Variants in TRMT2A observed in about 807,000 individuals in gnomAD.
The protein encoded by TRMT2A is tRNA methyltransferase 2A, also known as tRNA (uracil-5-)-methyltransferase homolog A.
Under a neutral mutation model 59.3 loss-of-function variants are expected in TRMT2A, and 60 were observed. The observed-to-expected ratio is 1.01, with a 90% CI of 0.82 to 1.26. TRMT2A has a LOEUF of 1.26. Among genes scored for constraint, TRMT2A ranks in the 50% most tolerant of loss-of-function variants. The pLI, the probability that TRMT2A is intolerant of heterozygous loss-of-function variation, is 0.00. For synonymous variants in TRMT2A, 403 were observed against 353.7 expected (o/e 1.14, Z -1.56); for missense variants, 863 against 845.2 (o/e 1.02, Z -0.26).
chr22:20,116,529 C>G lies in TRMT2A; in HGVS notation c.108G>C (p.Pro36=). Residue 36 remains proline, a synonymous_variant, in exon 2 of 12, where the codon CCG becomes CCC. Transcript: ENST00000252136. ...CTTTCTCCACCTCCTCCAGGGCTGC[C>G]GGGGCTGCAGGGGGCACCGAGACGG... ...CPTVSVPPAA[P]AALEEVEKEG... The G allele has an allele frequency of 4.4e-6, 7 of 1,607,528 alleles. No homozygotes were observed. The highest frequency in any genetic ancestry group is 5.9e-6 in the Non-Finnish European group (7 of 1,178,122).
chr22:20,112,883 C>A, intron 11 of TRMT2A, 28 bp downstream of exon 11: 1 of 1,612,454 alleles, frequency 6.2e-7, no homozygotes, highest in Non-Finnish European at 8.5e-7. Flanking sequence ...CAGGCCTAGC[C>A]CCCACCCAGG....
chr22:20,113,849 C>T (rs1281711887), intron 7 of TRMT2A, 41 bp from the exon 8 acceptor site: 7 of 1,516,650 alleles, frequency 4.6e-6, no homozygotes, highest in Non-Finnish European at 6.2e-6. Flanking sequence ...GGCTCCTCTC[C>T]TGTGGTGCCA....
In TRMT2A at chr22:20,112,967, G is replaced by T. The variant is rs772774226; in HGVS notation, c.1590C>A (p.Leu530=). The part of the protein sequence containing the change: ...VILAIRRAKN[L]RRLLYVSCNP... ...TGCATGAGACGTACAGCAGCCGCCT[G>T]AGGTTCTTAGCTCTCCGGATGGCCA... is the stretch of plus-strand genomic sequence containing the variant. Residue 530 remains leucine (L), a synonymous_variant, in exon 11 of 12, where the codon CTC becomes CTA. Coordinates refer to ENST00000252136, the MANE Select transcript of TRMT2A (RefSeq NM_022727.6). 6.2e-7 allele frequency: 1 copy of T among 1,613,696 alleles called. No individual in the cohort carries two copies. Among genetic ancestry groups the T allele is most frequent in the Admixed American group, 1.7e-5 (1 of 60,012 alleles).
chr22:20,115,519 AG>A (rs757810650), intron 3 of TRMT2A, 72 bp from the exon 4 acceptor site: 1 of 1,571,838 alleles, frequency 6.4e-7, no homozygotes, highest in Non-Finnish European at 8.7e-7. Context: ...ATTTCCCCAC[AG>A]GGGCTGGCAG....
At chr22:20,115,895 T>C (rs1346529457) in intron 2 of TRMT2A, 115 bp from the exon 3 acceptor site, 3 of 1,371,466 alleles carry the variant, frequency 2.2e-6, no homozygotes, top group Non-Finnish European at 3.0e-6. Flanking sequence ...TTGTGCCCAC[T>C]GTGACGTGGG....
In TRMT2A at chr22:20,115,314, A is replaced by ACGTGCACGG; in HGVS notation, c.841_842insCCGTGCACG (p.Ile281delinsThrValHisVal). ...CACCACCTGCTTGGTGGCTTCGGGG[A>ACGTGCACGG]TGTGCACGGTGTCAAACGGGGCTGC... On this transcript the variant is annotated protein_altering_variant, in exon 4 of 12. Transcript: ENST00000252136. 2 of 1,612,804 alleles carry ACGTGCACGG rather than the reference A, an allele frequency of 1.2e-6. No individual in the cohort carries two copies. The highest frequency in any genetic ancestry group is 1.7e-6 in the Non-Finnish European group (2 of 1,179,960).
intron 7 of TRMT2A, 58 bp from the exon 8 acceptor site, chr22:20,113,866 C>T: frequency 6.7e-7 from 1 of 1,493,072 alleles, no homozygotes; most frequent in Non-Finnish European, 8.9e-7. Context: ...GCCACTGGTG[C>T]CCCGACGCCC....
chr22:20,115,430 C>G lies in TRMT2A; in HGVS notation c.726G>C (p.Lys242Asn). The change falls in exon 4 of 12, where the codon AAG becomes AAC. Residue 242 changes from lysine (K) to asparagine (N), a missense_variant. Transcript: ENST00000252136. The stretch of plus-strand genomic sequence containing the variant: ...CCCCGACGCCAACCAGAAACTCACA[C>G]TTATTACGATACTCAGTCTGCAGGG... ...PSPQQTEYRN[K>N]CEFLVGVGVD... is the part of the protein sequence containing the mutation. 2 of 1,610,302 alleles carry G rather than the reference C, an allele frequency of 1.2e-6. No homozygotes were observed. The highest frequency in any genetic ancestry group is 1.7e-6 in the Non-Finnish European group (2 of 1,178,912).
At chr22:20,112,886 C>G (rs9606254) in intron 11 of TRMT2A, 25 bp downstream of exon 11, 1 of 1,612,590 alleles carries the variant, frequency 6.2e-7, no homozygotes. Flanking sequence ...GCCTAGCCCC[C>G]ACCCAGGCCC....
chr22:20,113,075 T>C (rs1288746068), intron 10 of TRMT2A, 43 bp downstream of exon 10: 2 of 1,610,992 alleles, frequency 1.2e-6, no homozygotes, highest in South Asian at 1.1e-5. Flanking sequence ...CCACCCCATG[T>C]GTCCTCGTTC....
intron 7 of TRMT2A, 21 bp downstream of exon 7, chr22:20,114,553 C>A (rs775975208): frequency 1.1e-4 from 168 of 1,596,990 alleles, no homozygotes; most frequent in Non-Finnish European, 1.4e-4. Context: ...GTCCCCATGC[C>A]CACCAGGGAC....
rs1266850891 is a variant in TRMT2A at position 20,115,400 on chromosome 22, A to T, written c.756T>A (p.Asp252Glu). ...GACAGCCCACGGTGTTATCCTCCCC[A>T]TCCACCCCGACGCCAACCAGAAACT... is the stretch of plus-strand genomic sequence containing the variant. ...KCEFLVGVGV[D>E]GEDNTVGCRL... is the part of the protein sequence containing the mutation. Residue 252 changes from aspartate (D) to glutamate (E), a missense_variant, in exon 4 of 12, where the codon GAT becomes GAA. Coordinates refer to ENST00000252136, the MANE Select transcript of TRMT2A (RefSeq NM_022727.6). 1 of 1,612,246 alleles carries T rather than the reference A, an allele frequency of 6.2e-7. No individual in the cohort carries two copies. The highest frequency in any genetic ancestry group is 8.5e-7 in the Non-Finnish European group (1 of 1,179,826).
chr22:20,116,557 G>A lies in TRMT2A; in HGVS notation c.80C>T (p.Pro27Leu), dbSNP rs752083147. The change falls in exon 2 of 12, where the codon CCT (proline) becomes CTT (leucine). Residue 27 changes from proline to leucine, a missense_variant. By Grantham distance (98) the Pro-to-Leu change is moderately conservative. Transcript: ENST00000252136. The part of the protein sequence containing the change: ...GQESSSALSC[P>L]TVSVPPAAPA... ...GGCTGCAGGGGGCACCGAGACGGTA[G>A]GGCAGCTCAGGGCACTGCTGCTCTC... 1.1e-5 allele frequency: 18 copies of A among 1,582,894 alleles called. No individual in the cohort carries two copies. Among genetic ancestry groups the A allele is most frequent in the Admixed American group, 3.6e-5 (2 of 54,810 alleles).
chr22:20,116,042 C>T lies in TRMT2A; in HGVS notation c.595G>A (p.Ala199Thr), dbSNP rs753069840. The T allele has an allele frequency of 3.2e-6, 5 of 1,553,436 alleles. No homozygotes were observed. The highest frequency in any genetic ancestry group is 2.3e-5 in the East Asian group (1 of 44,144). Residue 199 changes from alanine (A) to threonine (T), a missense_variant, in exon 2 of 12, where the codon GCC becomes ACC. Transcript: ENST00000252136. ...GCGTCTTGCGCCCACACTCACTTGG[C>T]AAGTTTCTGCAGCACCTGCTCGCAC... ...LECEQVLQKLAKEIGSTNRAL... is the reference protein window; with the variant it reads ...LECEQVLQKLTKEIGSTNRAL...
In TRMT2A at chr22:20,114,795, C is replaced by T. The variant is rs754365660; in HGVS notation, c.1087G>A (p.Val363Met). Residue 363 changes from valine to methionine, a missense_variant, in exon 6 of 12, where the codon GTG becomes ATG. Val to Met is a conservative substitution (Grantham distance 21). Transcript: ENST00000252136. ...TCCTCCACGAAGTAGAGGCAGGTCA[C>T]TCCACTGGCCCTGCCTGGCCCTGCT... is the stretch of plus-strand genomic sequence containing the variant. Reference protein sequence around the residue: ...FTAGPGRASGVTCLYFVEEGQ... With the variant: ...FTAGPGRASGMTCLYFVEEGQ... 2 of 1,610,608 alleles carry T rather than the reference C, an allele frequency of 1.2e-6. No homozygotes were observed. Among genetic ancestry groups the T allele is most frequent in the African/African-American group, 1.3e-5 (1 of 74,906 alleles).
Position 20,116,209 on chromosome 22 carries a change from A to G in TRMT2A, c.428T>C (p.Leu143Pro), listed in dbSNP as rs1435473016. The change falls in exon 2 of 12, where the codon CTG becomes CCG. Residue 143 changes from leucine to proline, a missense_variant. Physicochemically the swap from Leu to Pro is moderately conservative, Grantham distance 98 (BLOSUM62 -3). Coordinates refer to ENST00000252136, the MANE Select transcript of TRMT2A (RefSeq NM_022727.6). The part of the protein sequence containing the change: ...LWKGRPLSVR[L>P]ARPKADPMAR... ...CATGGGGTCGGCCTTGGGCCGGGCCAGGCGCACACTGAGTGGGCGGCCTTT... is the reference window on the plus strand; with the variant it reads ...CATGGGGTCGGCCTTGGGCCGGGCCGGGCGCACACTGAGTGGGCGGCCTTT... The G allele has an allele frequency of 1.9e-6, 3 of 1,612,970 alleles. No individual in the cohort carries two copies. The highest frequency in any genetic ancestry group is 2.5e-6 in the Non-Finnish European group (3 of 1,179,992).
Position 20,116,446 on chromosome 22 carries a change from C to A in TRMT2A, c.191G>T (p.Arg64Met). 2 of 1,612,840 alleles carry A rather than the reference C, an allele frequency of 1.2e-6. No individual in the cohort carries two copies. The highest frequency in any genetic ancestry group is 1.7e-6 in the Non-Finnish European group (2 of 1,179,884). The change falls in exon 2 of 12, where the codon AGG becomes ATG. Residue 64 changes from arginine (R) to methionine (M), a missense_variant. By Grantham distance (91) the Arg-to-Met change is moderately conservative. Coordinates refer to ENST00000252136, the MANE Select transcript of TRMT2A (RefSeq NM_022727.6). ...GATCTCAGAGGTAAACAAGTCATCC[C>A]TGATGTAGCTGTAGAGCCCGGGCTG... ...GPQPGLYSYI[R>M]DDLFTSEIFK...
rs1039896689 is a variant in TRMT2A, at chr22:20,112,518, G to A, written c.*45C>T. ...AAGCCATGCCTTCCCCGCCCCTGGGGCCCTGGGAGCCCTTCAGCTCCTGTC... is the reference window on the plus strand; with the variant it reads ...AAGCCATGCCTTCCCCGCCCCTGGGACCCTGGGAGCCCTTCAGCTCCTGTC... On this transcript the variant is annotated 3_prime_UTR_variant, in exon 12 of 12. Coordinates refer to ENST00000252136, the MANE Select transcript of TRMT2A (RefSeq NM_022727.6). 4.4e-6 allele frequency: 7 copies of A among 1,585,508 alleles called. No homozygotes were observed. Among genetic ancestry groups the A allele is most frequent in the African/African-American group, 2.7e-5 (2 of 74,124 alleles).
In TRMT2A at chr22:20,117,146, G is replaced by A. The variant is rs1284775485; in HGVS notation, c.-240C>T. ...AGGCTTGGGGCTGTACCGCCCGCCC[G>A]CCAGGGGCCCGCGCCGGCCGCTCGC... On this transcript the variant is annotated 5_prime_UTR_variant, in exon 1 of 12. Transcript: ENST00000252136. 8 of 564,618 alleles carry A rather than the reference G, an allele frequency of 1.4e-5. No individual in the cohort carries two copies. Among genetic ancestry groups the A allele is most frequent in the Admixed American group, 4.0e-5 (1 of 24,732 alleles). The allele number at this position is 564,618 out of a possible 1,614,324, so 35.0% of individuals were successfully genotyped here. A position where few individuals can be genotyped will look rare whatever the true frequency, so the allele number is the denominator to read the frequency against.
Sources: allele counts gnomAD v4.1 joint callset, GRCh38; gene constraint gnomAD v4.1.1; transcripts MANE v1.5; gene names NCBI Gene and HGNC (gene_info 2026-07-23, HGNC 2026-07-21).